The following KAZN variants were observed in gnomAD, a reference collection of about 807,000 sequenced individuals.
The protein encoded by KAZN is kazrin, periplakin interacting protein.
Under a neutral mutation model 87.4 loss-of-function variants are expected in KAZN, and 40 were observed. That is an observed-to-expected ratio of 0.46 (90% confidence interval 0.36 to 0.60). The LOEUF (loss-of-function observed/expected upper bound fraction) is 0.60. KAZN is among the 20% of genes least tolerant of loss of function. KAZN has a pLI of 0.00. For synonymous variants in KAZN, 466 were observed against 458.3 expected, an observed-to-expected ratio of 1.02 and a Z score of -0.22; for missense variants, 898 against 1,073.9, an observed-to-expected ratio of 0.84 and a Z score of 2.29.
At chr1:15,092,072 G>GTTT (rs1557791969) in intron 8 of KAZN, among the ~76,000 whole-genome samples, 14 of 79,858 alleles carry the variant, frequency 1.8e-4, no homozygotes, top group African/African-American at 8.3e-4. Context: ...TTTTTTTTTT[G>GTTT]ATTTTTTTTT....
intron 1 of KAZN, among the ~76,000 whole-genome samples, chr1:14,832,802 G>GA (rs577484754): frequency 3.9e-4 from 59 of 151,586 alleles, no homozygotes; most frequent in African/African-American, 1.4e-3. Flanking sequence ...TTAAATGGTT[G>GA]AAAAAAAACA....
intron 1 of KAZN, among the ~76,000 whole-genome samples, chr1:14,884,758 G>T (rs1297061607): frequency 6.6e-6 from 1 of 152,200 alleles, no homozygotes; most frequent in African/African-American, 2.4e-5. Flanking sequence ...CATGCTGCTG[G>T]TCTGGGGATC....
intron 1 of KAZN, among the ~76,000 whole-genome samples, chr1:14,794,375 A>T (rs1244896367): frequency 6.6e-6 from 1 of 152,158 alleles, no homozygotes; most frequent in Non-Finnish European, 1.5e-5. Flanking sequence ...TCATCCACAA[A>T]CTGTCAACAG....
intron 1 of KAZN, among the ~76,000 whole-genome samples, chr1:14,706,518 G>A (rs1409959560): frequency 6.6e-6 from 1 of 152,028 alleles, no homozygotes; most frequent in African/African-American, 2.4e-5. Context: ...GATTTGAGAT[G>A]ATGGATATGC....
At chr1:14,006,586 A>T (rs1640045413) in intron 1 of KAZN, among the ~76,000 whole-genome samples, 1 of 152,146 alleles carries the variant, frequency 6.6e-6, no homozygotes, top group Non-Finnish European at 1.5e-5. Flanking sequence ...AACATCATTT[A>T]TTGAAGAGAC....
At chr1:14,247,763 G>C (rs889470873) in intron 2 of KAZN, among the ~76,000 whole-genome samples, 2 of 151,890 alleles carry the variant, frequency 1.3e-5, no homozygotes, top group African/African-American at 4.8e-5. Context: ...CTTATGACAG[G>C]TTCATGAAAG....
chr1:14,834,652 C>T (rs572638913), intron 1 of KAZN, among the ~76,000 whole-genome samples: 1 of 152,102 alleles, frequency 6.6e-6, no homozygotes, highest in Admixed American at 6.5e-5. Flanking sequence ...TGAGCCACTG[C>T]GCCCAGCTGA....
At chr1:14,034,287 GT>G (rs112708653) in intron 1 of KAZN, among the ~76,000 whole-genome samples, 19 of 146,806 alleles carry the variant, frequency 1.3e-4, no homozygotes, top group African/African-American at 2.9e-4. Context: ...CCTTTTAGCT[GT>G]TTTTTTTTTC....
chr1:15,071,443 C>T (rs747242522), intron 8 of KAZN, among the ~76,000 whole-genome samples: 4 of 151,964 alleles, frequency 2.6e-5, no homozygotes, highest in African/African-American at 7.2e-5. Context: ...TTAGTAGAGA[C>T]GGGAGTTTGC....
intron 2 of KAZN, among the ~76,000 whole-genome samples, chr1:14,571,237 G>A (rs1013435551): frequency 1.3e-5 from 2 of 150,442 alleles, no homozygotes; most frequent in South Asian, 2.1e-4. Context: ...GAATGCTTCT[G>A]CTTTTTTTTT....
intron 2 of KAZN, among the ~76,000 whole-genome samples, chr1:14,363,816 A>G (rs1475309531): frequency 6.6e-6 from 1 of 152,224 alleles, no homozygotes; most frequent in Non-Finnish European, 1.5e-5. Context: ...CCTGCTCTAG[A>G]TATTAGTAGT....
intron 1 of KAZN, among the ~76,000 whole-genome samples, chr1:14,857,501 C>G (rs1220504833): frequency 6.6e-6 from 1 of 151,484 alleles, no homozygotes; most frequent in East Asian, 1.9e-4. Flanking sequence ...CCACTCTACT[C>G]CAGCCTAGGT....
At chr1:14,966,906 G>A (rs1457124694) in intron 2 of KAZN, among the ~76,000 whole-genome samples, 1 of 152,036 alleles carries the variant, frequency 6.6e-6, no homozygotes, top group Non-Finnish European at 1.5e-5. Flanking sequence ...CTGACCTCAG[G>A]TGATCACCCG....
Position 15,056,225 on chromosome 1 carries a change from G to T in KAZN, c.861G>T (p.Arg287=). Residue 287 remains arginine, a synonymous_variant, in exon 5 of 15, where the codon CGG becomes CGT. Coordinates refer to ENST00000376030, the MANE Select transcript of KAZN (RefSeq NM_201628.3). This position sits in a 1 kb window ranked among gnomAD's most constrained non-coding sequence, Gnocchi z 5.4. The stretch of plus-strand genomic sequence containing the variant: ...ACCTCCCGCTGACCGCAGCCATCCG[G>T]CAGAGTCAACAGACTCTCTACCACT... ...QADLPLTAAI[R]QSQQTLYHSH... is the part of the protein sequence containing the mutation. The T allele has an allele frequency of 6.2e-7, 1 of 1,614,028 alleles. No homozygotes were observed. Among genetic ancestry groups the T allele is most frequent in the Non-Finnish European group, 8.5e-7 (1 of 1,179,960 alleles).
chr1:14,419,030 A>G (rs561813638), intron 2 of KAZN, among the ~76,000 whole-genome samples: 2 of 152,346 alleles, frequency 1.3e-5, no homozygotes, highest in South Asian at 2.1e-4. Flanking sequence ...CAATAAGCAC[A>G]TGGAAAAATA....
chr1:14,721,215 T>C (rs1557915211), intron 1 of KAZN, among the ~76,000 whole-genome samples: 3 of 152,078 alleles, frequency 2.0e-5, no homozygotes, highest in Admixed American at 6.5e-5. Context: ...CAATGGGAGG[T>C]AATTGAATCA....
At chr1:14,150,668 C>T (rs1422970023) in intron 1 of KAZN, among the ~76,000 whole-genome samples, 1 of 152,134 alleles carries the variant, frequency 6.6e-6, no homozygotes, top group African/African-American at 2.4e-5. Flanking sequence ...TGTTGTAATC[C>T]ATGCCTGGAA....
At chr1:15,063,367 C>G (rs1638955492) in intron 6 of KAZN, 2 of 592,758 alleles carry the variant, frequency 3.4e-6, no homozygotes, top group Non-Finnish European at 6.1e-6. Context: ...ACCCCAGGAA[C>G]TCTAGGGAAA....
chr1:14,776,948 AAAAAAAAG>A (rs1645191519), intron 1 of KAZN, among the ~76,000 whole-genome samples: 1 of 151,424 alleles, frequency 6.6e-6, no homozygotes, highest in Non-Finnish European at 1.5e-5. Flanking sequence ...AAAAAAAAAA[AAAAAAAAG>A]AGACGTCTTT....
Sources: allele counts gnomAD v4.1 joint callset (sites outside exome capture counted in the v4.1 genomes callset), GRCh38; gene constraint gnomAD v4.1.1; non-coding constraint Gnocchi (gnomAD v3.1); transcripts MANE v1.5; gene names NCBI Gene and HGNC (gene_info 2026-07-23, HGNC 2026-07-21).